The following SUGCT variants were observed in gnomAD, a reference collection of about 807,000 sequenced individuals.
SUGCT encodes succinyl-CoA:glutarate-CoA transferase, also known as succinyl-CoA:glutarate CoA-transferase.
Under a neutral mutation model 55.0 loss-of-function variants are expected in SUGCT, and 41 were observed. The ratio of observed to expected loss-of-function variants is 0.74; its 90% CI spans 0.58 to 0.97. The LOEUF is 0.97. Ranked by LOEUF, SUGCT falls within the 50% of genes least tolerant of loss-of-function variation. SUGCT has a pLI of 0.00. For missense variants in SUGCT, 568 were observed against 547.8 expected (o/e 1.04, Z -0.37); for synonymous variants, 187 against 200.4 (o/e 0.93, Z 0.56).
chr7:40,589,350 A>G (rs1461936850), intron 12 of SUGCT, among the ~76,000 whole-genome samples: 1 of 152,188 alleles, frequency 6.6e-6, no homozygotes, highest in African/African-American at 2.4e-5. Context: ...GAGGCTGAGA[A>G]GTCAAAGATT....
At chr7:40,333,473 C>T (rs1353028128) in intron 9 of SUGCT, among the ~76,000 whole-genome samples, 1 of 150,018 alleles carries the variant, frequency 6.7e-6, no homozygotes, top group African/African-American at 2.5e-5. Context: ...CACATCTCTA[C>T]TAAAAATATG....
the SUGCT span, among the ~76,000 whole-genome samples, chr7:40,950,295 C>T: frequency 3.3e-5 from 5 of 152,122 alleles, no homozygotes; most frequent in Admixed American, 6.6e-5. Context: ...GTGATTTTTG[C>T]ACATTGATTT....
At chr7:40,507,010 T>C (rs947330971) in intron 12 of SUGCT, among the ~76,000 whole-genome samples, 1 of 152,200 alleles carries the variant, frequency 6.6e-6, no homozygotes, top group African/African-American at 2.4e-5. Flanking sequence ...TTATAACAGC[T>C]GATTTGAAGT....
intron 13 of SUGCT, among the ~76,000 whole-genome samples, chr7:40,840,102 A>T (rs1793198990): frequency 1.3e-5 from 2 of 152,186 alleles, no homozygotes; most frequent in South Asian, 4.1e-4. Flanking sequence ...TCAGTTTTCT[A>T]GCATGCCAAC....
the SUGCT span, among the ~76,000 whole-genome samples, chr7:40,988,341 G>A: frequency 6.6e-6 from 1 of 150,968 alleles, no homozygotes; most frequent in African/African-American, 2.4e-5. Context: ...GGCAGCTCCA[G>A]GGAAAGGAAG....
At chr7:40,438,193 C>T (rs2151401307) in intron 9 of SUGCT, among the ~76,000 whole-genome samples, 1 of 152,256 alleles carries the variant, frequency 6.6e-6, no homozygotes, top group East Asian at 1.9e-4. Flanking sequence ...TCTCAATTGA[C>T]CTTCTCAATT....
At chr7:40,183,683 G>A (rs1584277213) in intron 3 of SUGCT, among the ~76,000 whole-genome samples, 1 of 152,104 alleles carries the variant, frequency 6.6e-6, no homozygotes, top group East Asian at 1.9e-4. Context: ...TAATTTTAAA[G>A]GTTTTGAAGC....
chr7:40,854,290 C>T (rs1794007100), intron 13 of SUGCT, among the ~76,000 whole-genome samples: 1 of 152,090 alleles, frequency 6.6e-6, no homozygotes, highest in Non-Finnish European at 1.5e-5. Flanking sequence ...GGCCTCTGTC[C>T]TCCTTCTCCA....
intron 12 of SUGCT, among the ~76,000 whole-genome samples, chr7:40,625,091 C>G (rs114078089): frequency 6.6e-6 from 1 of 152,106 alleles, no homozygotes; most frequent in African/African-American, 2.4e-5. Flanking sequence ...CATTTCATAT[C>G]TCCTAAAAGG....
the SUGCT span, among the ~76,000 whole-genome samples, chr7:40,898,735 G>T: frequency 1.3e-5 from 2 of 152,026 alleles, no homozygotes; most frequent in African/African-American, 4.8e-5. Flanking sequence ...AGGGTACGCG[G>T]CTTCATTCTG....
the SUGCT span, among the ~76,000 whole-genome samples, chr7:40,943,028 A>G: frequency 1.3e-5 from 2 of 151,826 alleles, no homozygotes. Flanking sequence ...GAGTAACTTA[A>G]TAATCAACCT....
intron 7 of SUGCT, among the ~76,000 whole-genome samples, 160 bp downstream of exon 7, chr7:40,237,886 G>A (rs1347796806): frequency 2.0e-5 from 3 of 152,180 alleles, no homozygotes; most frequent in African/African-American, 7.2e-5. Flanking sequence ...AGAAACCAGG[G>A]AAAGTGAATG....
the SUGCT span, among the ~76,000 whole-genome samples, chr7:40,978,881 A>C: frequency 2.0e-5 from 3 of 152,248 alleles, no homozygotes; most frequent in Non-Finnish European, 2.9e-5. Context: ...TTCCAACTGC[A>C]TTCTTCATGC....
chr7:40,568,572 C>A (rs1216268940), intron 12 of SUGCT, among the ~76,000 whole-genome samples: 1 of 152,150 alleles, frequency 6.6e-6, no homozygotes. Context: ...TAAATGGGCA[C>A]CATAGTCGTC....
chr7:40,901,819 A>G, the SUGCT span, among the ~76,000 whole-genome samples: 1 of 152,216 alleles, frequency 6.6e-6, no homozygotes, highest in South Asian at 2.1e-4. Flanking sequence ...TAAACATGAA[A>G]AGAGGTGTTG....
At chr7:40,506,206 C>T (rs1049842949) in intron 12 of SUGCT, among the ~76,000 whole-genome samples, 3 of 151,996 alleles carry the variant, frequency 2.0e-5, no homozygotes, top group African/African-American at 7.2e-5. Flanking sequence ...TTTTTTTCCA[C>T]GTTTTTTTGA....
intron 12 of SUGCT, among the ~76,000 whole-genome samples, chr7:40,735,149 G>A (rs1037771296): frequency 6.6e-5 from 10 of 152,152 alleles, no homozygotes; most frequent in Admixed American, 2.0e-4. Context: ...GGGAAAGAAT[G>A]CTTTCTTAAC....
intron 11 of SUGCT, among the ~76,000 whole-genome samples, chr7:40,484,894 C>T (rs1463991503): frequency 6.6e-6 from 1 of 152,036 alleles, no homozygotes; most frequent in African/African-American, 2.4e-5. Flanking sequence ...GTGATTAACA[C>T]ATGAGCATTG....
intron 13 of SUGCT, among the ~76,000 whole-genome samples, chr7:40,758,557 C>A (rs1187403355): frequency 6.6e-6 from 1 of 151,992 alleles, no homozygotes; most frequent in African/African-American, 2.4e-5. Flanking sequence ...CATATCATCC[C>A]CAAACCTTCA....
Sources: allele counts gnomAD v4.1 joint callset (sites outside exome capture counted in the v4.1 genomes callset), GRCh38; gene constraint gnomAD v4.1.1; transcripts MANE v1.5; gene names NCBI Gene and HGNC (gene_info 2026-07-23, HGNC 2026-07-21).